Variants in CMSS1 observed in about 807,000 individuals in gnomAD.
The protein encoded by CMSS1 is protein CMSS1.
In CMSS1, 33 loss-of-function variants were observed where a neutral mutation model predicts 43.5. The observed-to-expected ratio is 0.76, with a 90% confidence interval of 0.57 to 1.01. The LOEUF is 1.01. Among genes scored for constraint, CMSS1 ranks in the 50% least tolerant of loss-of-function variants. The probability of loss-of-function intolerance (pLI) is 0.00; values close to 1 mark genes in which losing one functional copy is unlikely to be tolerated. For synonymous variants in CMSS1, 115 were observed against 117.2 expected (o/e 0.98, Z 0.12); for missense variants, 313 against 326.4 (o/e 0.96, Z 0.32).
intron 1 of CMSS1, among the ~76,000 whole-genome samples, chr3:100,135,451 T>C (rs922978940): frequency 2.9e-5 from 4 of 139,032 alleles, no homozygotes; most frequent in African/African-American, 8.2e-5. Flanking sequence ...TGTGTGTGTG[T>C]GTGTGTGTGT....
intron 1 of CMSS1, among the ~76,000 whole-genome samples, chr3:99,989,550 C>T (rs1404317393): frequency 6.6e-6 from 1 of 152,168 alleles, no homozygotes; most frequent in African/African-American, 2.4e-5. Flanking sequence ...CCTCCTGTTC[C>T]TGCAGTTTCA....
chr3:100,140,871 G>A (rs1343984682), intron 1 of CMSS1, among the ~76,000 whole-genome samples: 1 of 151,902 alleles, frequency 6.6e-6, no homozygotes, highest in Non-Finnish European at 1.5e-5. Flanking sequence ...TAACAGTACT[G>A]CCCCAACCAC....
chr3:100,072,399 A>G (rs942600129), intron 1 of CMSS1, among the ~76,000 whole-genome samples: 2 of 152,198 alleles, frequency 1.3e-5, no homozygotes, highest in Admixed American at 6.5e-5. Context: ...CTTGGAGCTC[A>G]AGTAACAGAG....
At chr3:99,823,497 A>G (rs1196167874) in intron 1 of CMSS1, among the ~76,000 whole-genome samples, 4 of 152,134 alleles carry the variant, frequency 2.6e-5, no homozygotes, top group African/African-American at 7.2e-5. Flanking sequence ...TATCTCATCC[A>G]TCAAGTCCTG....
At chr3:99,919,937 A>T (rs980486825) in intron 1 of CMSS1, among the ~76,000 whole-genome samples, 10 of 152,174 alleles carry the variant, frequency 6.6e-5, no homozygotes, top group Non-Finnish European at 1.5e-4. Flanking sequence ...ATCTAGTCAA[A>T]CTTGGACAGA....
At chr3:100,016,429 G>A (rs900880877) in intron 1 of CMSS1, among the ~76,000 whole-genome samples, 3 of 152,162 alleles carry the variant, frequency 2.0e-5, no homozygotes, top group Non-Finnish European at 1.5e-5. Flanking sequence ...GACCTCAGGT[G>A]ATCCACCCAC....
At chr3:100,098,177 C>T (rs750162855) in intron 1 of CMSS1, among the ~76,000 whole-genome samples, 37 of 152,132 alleles carry the variant, frequency 2.4e-4, no homozygotes, top group Non-Finnish European at 4.6e-4. Flanking sequence ...CCCTGTGATT[C>T]CCTCACCAGT....
chr3:99,903,523 T>C (rs2107629909), intron 1 of CMSS1, among the ~76,000 whole-genome samples: 1 of 152,314 alleles, frequency 6.6e-6, no homozygotes, highest in East Asian at 1.9e-4. Flanking sequence ...GTGCTGGGAT[T>C]ACAGGCGTGA....
intron 1 of CMSS1, among the ~76,000 whole-genome samples, chr3:100,014,332 A>G (rs573139942): frequency 1.3e-5 from 2 of 152,138 alleles, no homozygotes; most frequent in East Asian, 3.9e-4. Flanking sequence ...CAAGATACTT[A>G]TTTCATTTCT....
At chr3:99,995,051 A>G (rs531691405) in intron 1 of CMSS1, among the ~76,000 whole-genome samples, 2 of 152,262 alleles carry the variant, frequency 1.3e-5, no homozygotes, top group East Asian at 1.9e-4. Context: ...AACAGCACCC[A>G]AAGTCTTAAC....
At chr3:99,904,479 G>C (rs1029241105) in intron 1 of CMSS1, among the ~76,000 whole-genome samples, 1 of 152,126 alleles carries the variant, frequency 6.6e-6, no homozygotes, top group African/African-American at 2.4e-5. Context: ...TATTTACTAT[G>C]CTTCTTTAGA....
At chr3:100,104,379 T>G (rs1200670401) in intron 1 of CMSS1, among the ~76,000 whole-genome samples, 2 of 152,216 alleles carry the variant, frequency 1.3e-5, no homozygotes, top group Non-Finnish European at 2.9e-5. Flanking sequence ...ATTCAATAAC[T>G]CTGAGCTACA....
Position 99,958,286 on chromosome 3 carries a change from A to G in CMSS1, c.64+140243A>G, listed in dbSNP as rs141303635. Among the ~76,000 whole-genome samples the G allele has an allele frequency of 3.8e-3, 565 of 150,490 alleles. 3 individuals are homozygous for G. Among genetic ancestry groups the G allele is most frequent in the African/African-American group, 0.013 (538 of 41,068 alleles). On this transcript the variant is annotated intron_variant, in intron 1 of 9. Transcript: ENST00000421999. Reference sequence around the variant, plus strand: ...CATGGAGGTTTAGTTTGAATTTAAGAGAACAGTAACAGAAAGGGAAAATAA... The same window carrying G: ...CATGGAGGTTTAGTTTGAATTTAAGGGAACAGTAACAGAAAGGGAAAATAA...
At chr3:99,870,706 T>C (rs528850071) in intron 1 of CMSS1, among the ~76,000 whole-genome samples, 91 of 152,334 alleles carry the variant, frequency 6.0e-4, no homozygotes, top group African/African-American at 1.6e-3. Flanking sequence ...CAGGTTGACA[T>C]TGGAGTAACT....
intron 1 of CMSS1, among the ~76,000 whole-genome samples, chr3:99,851,435 C>T (rs143735451): frequency 1.1e-4 from 17 of 152,252 alleles, no homozygotes; most frequent in African/African-American, 3.6e-4. Flanking sequence ...GCTTCAAGGC[C>T]GACCCTACTC....
chr3:100,146,997 G>A lies in CMSS1; in HGVS notation c.89G>A (p.Gly30Glu). ...GAAGCATCAGATGGTGAAGGAGAAG[G>A]AGACACAGAAGTGATGCAGCAGGAG... is the stretch of plus-strand genomic sequence containing the variant. Reference protein sequence around the residue: ...SPEASDGEGEGDTEVMQQETV... With the variant: ...SPEASDGEGEEDTEVMQQETV... Residue 30 changes from glycine to glutamate, a missense_variant, in exon 2 of 10, where the codon GGA (glycine) becomes GAA (glutamate). Transcript: ENST00000421999. 6.2e-7 allele frequency: 1 copy of A among 1,613,842 alleles called. No homozygotes were observed. The highest frequency in any genetic ancestry group is 1.6e-4 in the Middle Eastern group (1 of 6,062).
At chr3:100,114,961 G>A in intron 1 of CMSS1, 1 of 1,535,944 alleles carries the variant, frequency 6.5e-7, no homozygotes, top group Non-Finnish European at 8.7e-7. Context: ...AGGGCAAAGT[G>A]CTGAGGAAAC....
At chr3:100,096,530 G>A (rs758625055) in intron 1 of CMSS1, among the ~76,000 whole-genome samples, 10 of 147,316 alleles carry the variant, frequency 6.8e-5, no homozygotes, top group Non-Finnish European at 1.1e-4. Context: ...AACATCACAT[G>A]TTCTGACTTA....
intron 1 of CMSS1, among the ~76,000 whole-genome samples, chr3:100,080,888 A>G (rs957267938): frequency 6.6e-5 from 10 of 152,208 alleles, no homozygotes; most frequent in African/African-American, 2.2e-4. Flanking sequence ...TACCAAAGCA[A>G]TCCCTTTGAA....
Sources: gnomAD v4.1 joint callset for allele counts (sites outside exome capture counted in the v4.1 genomes callset) on GRCh38, gnomAD v4.1.1 for gene constraint, MANE v1.5 for transcripts, NCBI Gene and HGNC (gene_info 2026-07-23, HGNC 2026-07-21) for gene names.